The following POM121C variants were observed in gnomAD, a reference collection of about 807,000 sequenced individuals.
POM121C encodes nuclear envelope pore membrane protein POM 121C.
Under a neutral mutation model 66.4 loss-of-function variants are expected in POM121C, and 20 were observed. The ratio of observed to expected loss-of-function variants is 0.30; its 90% CI spans 0.21 to 0.44. The LOEUF (loss-of-function observed/expected upper bound fraction) is 0.44, where lower values mean the gene tolerates loss of function less well. Among genes scored for constraint, POM121C ranks in the 20% least tolerant of loss-of-function variants. POM121C has a pLI of 1.00. For synonymous variants in POM121C, 286 were observed against 528.0 expected, an observed-to-expected ratio of 0.54 and a Z score of 6.28; for missense variants, 580 against 1,225.7, an observed-to-expected ratio of 0.47 and a Z score of 7.87.
At chr7:75,467,531 C>CAAA (rs58341825) in intron 3 of POM121C, among the ~76,000 whole-genome samples, 794 of 64,974 alleles carry the variant, frequency 0.012, 50 homozygotes, top group East Asian at 0.051. Flanking sequence ...GATTCTGTCT[C>CAAA]AAAAAAAAAA....
At chr7:75,456,668 T>C (rs1554476326) in intron 3 of POM121C, among the ~76,000 whole-genome samples, 3 of 152,276 alleles carry the variant, frequency 2.0e-5, no homozygotes, top group Non-Finnish European at 4.4e-5. Flanking sequence ...ACAATCAACA[T>C]GCAAATGGGT....
At chr7:75,430,141 T>C (rs1554472163) in intron 7 of POM121C, among the ~76,000 whole-genome samples, 1 of 152,184 alleles carries the variant, frequency 6.6e-6, no homozygotes, top group Non-Finnish European at 1.5e-5. Context: ...TCTCAAAACT[T>C]TTTTTTGTGT....
chr7:75,461,409 C>T (rs1315651378), intron 3 of POM121C, among the ~76,000 whole-genome samples: 16 of 152,096 alleles, frequency 1.1e-4, no homozygotes, highest in Admixed American at 9.2e-4. Context: ...TTTACCAGAA[C>T]CTGGGTCATA....
At chr7:75,444,466 C>T (rs1790769736) in intron 3 of POM121C, among the ~76,000 whole-genome samples, 1 of 145,632 alleles carries the variant, frequency 6.9e-6, no homozygotes, top group African/African-American at 2.5e-5. Flanking sequence ...GCTCTTTGAA[C>T]TATTGTGTGT....
rs782516259 is a variant in POM121C, at chr7:75,419,366, C to G, written c.2820G>C (p.Gly940=). 1 of 1,613,794 alleles carries G rather than the reference C, an allele frequency of 6.2e-7. No homozygotes were observed. The highest frequency in any genetic ancestry group is 1.7e-5 in the Admixed American group (1 of 59,980). The stretch of plus-strand genomic sequence containing the variant: ...AGCCTTGGGCGGGTGCTGAAGATGC[C>G]CCAAAGGAGAGGCTGCTGCCCGATG... ...VGTSGSSLSF[G]ASSAPAQGFV... is the part of the protein sequence containing the mutation. Residue 940 remains glycine, a synonymous_variant, in exon 14 of 15, where the codon GGG becomes GGC. Transcript: ENST00000615331.
At chr7:75,456,193 C>T (rs1177188705) in intron 3 of POM121C, among the ~76,000 whole-genome samples, 13 of 152,152 alleles carry the variant, frequency 8.5e-5, no homozygotes, top group Non-Finnish European at 1.6e-4. Flanking sequence ...GAGGTATGAT[C>T]GCTCCACTGC....
At chr7:75,428,179 C>T (rs1346627691) in intron 7 of POM121C, among the ~76,000 whole-genome samples, 1 of 151,720 alleles carries the variant, frequency 6.6e-6, no homozygotes, top group Non-Finnish European at 1.5e-5. Flanking sequence ...CTTGCTCTGT[C>T]ACCAGGCTGG....
intron 3 of POM121C, among the ~76,000 whole-genome samples, chr7:75,471,432 A>T (rs1791873081): frequency 6.6e-6 from 1 of 151,884 alleles, no homozygotes; most frequent in African/African-American, 2.4e-5. Context: ...TCCTGACCTC[A>T]GGTAATCCAC....
intron 3 of POM121C, 81 bp downstream of exon 3, chr7:75,474,623 G>A (rs767774605): frequency 1.1e-5 from 6 of 543,656 alleles, no homozygotes; most frequent in East Asian, 3.4e-5. Context: ...TGAGGGTACC[G>A]AATACATATA....
intron 1 of POM121C, among the ~76,000 whole-genome samples, chr7:75,479,915 A>C (rs1239402194): frequency 6.6e-6 from 1 of 152,154 alleles, no homozygotes; most frequent in African/African-American, 2.4e-5. Flanking sequence ...AATCATAAAA[A>C]ATTCTCAACT....
intron 7 of POM121C, among the ~76,000 whole-genome samples, chr7:75,427,695 C>T (rs2116351679): frequency 6.6e-6 from 1 of 152,232 alleles, no homozygotes; most frequent in East Asian, 1.9e-4. Flanking sequence ...AAACTGTCAC[C>T]TCAGACCGTC....
chr7:75,475,558 C>G (rs1792042354), intron 1 of POM121C, among the ~76,000 whole-genome samples: 1 of 150,440 alleles, frequency 6.6e-6, no homozygotes, highest in Non-Finnish European at 1.5e-5. Context: ...AGGCCCTCCC[C>G]TTCTCCGGGA....
intron 7 of POM121C, among the ~76,000 whole-genome samples, chr7:75,431,702 G>A (rs143765650): frequency 3.3e-5 from 5 of 151,484 alleles, no homozygotes; most frequent in East Asian, 1.9e-4. Flanking sequence ...TGTAATCCCA[G>A]CATTTTGGAA....
In POM121C at chr7:75,424,205, T is replaced by C. The variant is rs587750524; in HGVS notation, c.892A>G (p.Thr298Ala). 6.2e-7 allele frequency: 1 copy of C among 1,611,944 alleles called. No homozygotes were observed. Among genetic ancestry groups the C allele is most frequent in the Non-Finnish European group, 8.5e-7 (1 of 1,179,834 alleles). The part of the protein sequence containing the change: ...DKSDAASNSV[T>A]ETPPTTQPSF... The stretch of plus-strand genomic sequence containing the variant: ...GGCTGAGTGGTAGGTGGGGTCTCAG[T>C]GACAGAGTTCGAGGCAGCATCTAAG... Residue 298 changes from threonine to alanine, a missense_variant, in exon 12 of 15, where the codon ACT (threonine) becomes GCT (alanine). Transcript: ENST00000615331.
At chr7:75,479,473 G>A (rs1264172075) in intron 1 of POM121C, among the ~76,000 whole-genome samples, 1 of 150,208 alleles carries the variant, frequency 6.7e-6, no homozygotes, top group African/African-American at 2.5e-5. Flanking sequence ...AAAATTAGCC[G>A]GGCGTGATGG....
At chr7:75,483,171 T>C (rs1299310507) in intron 1 of POM121C, among the ~76,000 whole-genome samples, 1 of 152,206 alleles carries the variant, frequency 6.6e-6, no homozygotes, top group African/African-American at 2.4e-5. Flanking sequence ...AAGTTCTCCT[T>C]GGGCAGCAGG....
At chr7:75,435,184 T>C (rs1563142435) in intron 7 of POM121C, among the ~76,000 whole-genome samples, 1 of 152,222 alleles carries the variant, frequency 6.6e-6, no homozygotes, top group South Asian at 2.1e-4. Context: ...CGTTTGTCAA[T>C]AGAGGACTAG....
At chr7:75,447,979 G>A (rs587678443) in intron 3 of POM121C, among the ~76,000 whole-genome samples, 9 of 150,528 alleles carry the variant, frequency 6.0e-5, no homozygotes, top group Admixed American at 3.3e-4. Flanking sequence ...AGCCGAGATC[G>A]CGCCACTGCA....
chr7:75,440,633 G>C, intron 5 of POM121C: 1 of 362,734 alleles, frequency 2.8e-6, no homozygotes, highest in South Asian at 3.1e-5. Flanking sequence ...ACAAAATTCC[G>C]ACCGGAAGAC....
Sources: gnomAD v4.1 joint callset for allele counts (sites outside exome capture counted in the v4.1 genomes callset) on GRCh38, gnomAD v4.1.1 for gene constraint, MANE v1.5 for transcripts, NCBI Gene and HGNC (gene_info 2026-07-23, HGNC 2026-07-21) for gene names.